Variants in EYA4 observed in about 807,000 individuals in gnomAD.
EYA4 encodes the protein protein phosphatase EYA4.
A neutral mutation model predicts 87.9 loss-of-function variants in EYA4; 31 were observed. That is an observed-to-expected ratio of 0.35 (90% CI 0.27 to 0.48). EYA4 has a LOEUF of 0.48. Ranked by LOEUF, EYA4 falls within the 20% of genes least tolerant of loss-of-function variation. EYA4 has a pLI of 0.99. For synonymous variants in EYA4, 263 were observed against 270.6 expected, an observed-to-expected ratio of 0.97 and a Z score of 0.28; for missense variants, 678 against 761.4, an observed-to-expected ratio of 0.89 and a Z score of 1.29.
intron 3 of EYA4, among the ~76,000 whole-genome samples, chr6:133,404,242 C>A (rs1788509339): frequency 6.6e-6 from 1 of 151,278 alleles, no homozygotes; most frequent in African/African-American, 2.4e-5. Flanking sequence ...ACAAAAAAGA[C>A]AAAGCACATC....
At chr6:133,254,887 A>G (rs984046533) in intron 1 of EYA4, among the ~76,000 whole-genome samples, 1 of 152,150 alleles carries the variant, frequency 6.6e-6, no homozygotes, top group Non-Finnish European at 1.5e-5. Context: ...CATGCTCCCA[A>G]CTCTACATCT....
intron 2 of EYA4, among the ~76,000 whole-genome samples, chr6:133,358,874 G>A (rs1784263309): frequency 6.6e-6 from 1 of 151,950 alleles, no homozygotes; most frequent in Non-Finnish European, 1.5e-5. Flanking sequence ...GAAACAGAGG[G>A]GAAAAACTAC....
intron 2 of EYA4, among the ~76,000 whole-genome samples, chr6:133,314,536 A>G (rs770401381): frequency 2.6e-5 from 4 of 152,120 alleles, no homozygotes; most frequent in Non-Finnish European, 5.9e-5. Context: ...TTGCATATTT[A>G]TTTTTATTAT....
intron 3 of EYA4, among the ~76,000 whole-genome samples, chr6:133,408,887 G>GT (rs1788966196): frequency 6.6e-6 from 1 of 152,310 alleles, no homozygotes; most frequent in African/African-American, 2.4e-5. Flanking sequence ...AAGGCTCATG[G>GT]AGGTGTGTGG....
intron 2 of EYA4, among the ~76,000 whole-genome samples, chr6:133,357,394 A>T (rs938517035): frequency 2.0e-5 from 3 of 152,172 alleles, no homozygotes; most frequent in African/African-American, 7.2e-5. Context: ...TTCTCACAAA[A>T]TGTATTTTGC....
intron 16 of EYA4, 58 bp downstream of exon 16, chr6:133,513,096 T>C (rs1799298896): frequency 1.4e-6 from 2 of 1,468,294 alleles, no homozygotes; most frequent in African/African-American, 2.8e-5. Context: ...GAATTCAATC[T>C]GTAGTTTCAT....
intron 1 of EYA4, chr6:133,247,846 T>A (rs1774541798): frequency 6.6e-6 from 1 of 152,040 alleles, no homozygotes; most frequent in Non-Finnish European, 1.5e-5. Flanking sequence ...GTGTCTTCAA[T>A]GTATGGAAAC....
rs149395991 is a variant in EYA4 at position 133,355,429 on chromosome 6, C to G, written c.34-26963C>G. On this transcript the variant is annotated intron_variant, in intron 2 of 19. Coordinates refer to ENST00000355286, the MANE Select transcript of EYA4 (RefSeq NM_004100.5). Reference sequence around the variant, plus strand: ...ACAATAGCAAAGACATGGAATTAGCCTAAATGCCCATCAATAATAGACTGG... The same window carrying G: ...ACAATAGCAAAGACATGGAATTAGCGTAAATGCCCATCAATAATAGACTGG... Among the ~76,000 whole-genome samples the G allele has an allele frequency of 7.5e-3, 1,147 of 152,258 alleles. 20 individuals carry two copies. Among genetic ancestry groups the G allele is most frequent in the African/African-American group, 0.027 (1,104 of 41,548 alleles).
chr6:133,293,030 A>G (rs1176001358), intron 2 of EYA4, among the ~76,000 whole-genome samples: 1 of 152,182 alleles, frequency 6.6e-6, no homozygotes, highest in African/African-American at 2.4e-5. Flanking sequence ...TCTTCCCCCC[A>G]GGGGTCTCTG....
At chr6:133,517,178 A>T (rs1426357686) in intron 17 of EYA4, among the ~76,000 whole-genome samples, 1 of 152,136 alleles carries the variant, frequency 6.6e-6, no homozygotes, top group Non-Finnish European at 1.5e-5. Context: ...AATGATGAGA[A>T]CATGTGGACA....
intron 11 of EYA4, among the ~76,000 whole-genome samples, chr6:133,475,982 A>G (rs1490324778): frequency 1.3e-5 from 2 of 152,106 alleles, no homozygotes; most frequent in East Asian, 1.9e-4. Context: ...TCTCACAGAA[A>G]TTATATAATG....
intron 13 of EYA4, among the ~76,000 whole-genome samples, chr6:133,493,738 A>G (rs1324005654): frequency 6.6e-6 from 1 of 152,230 alleles, no homozygotes; most frequent in South Asian, 2.1e-4. Context: ...AGCTCAACTC[A>G]ATAGGAAAAT....
At chr6:133,450,406 A>G (rs537763158) in intron 5 of EYA4, among the ~76,000 whole-genome samples, 104 of 152,330 alleles carry the variant, frequency 6.8e-4, no homozygotes, top group African/African-American at 2.5e-3. Context: ...TTGGAATTGT[A>G]TCACTTCATA....
At chr6:133,265,336 T>C (rs1386224747) in intron 1 of EYA4, among the ~76,000 whole-genome samples, 1 of 151,934 alleles carries the variant, frequency 6.6e-6, no homozygotes, top group Non-Finnish European at 1.5e-5. Context: ...AACCTAATAA[T>C]ACTGTTTGAA....
intron 3 of EYA4, among the ~76,000 whole-genome samples, chr6:133,413,451 A>G (rs1164591487): frequency 1.4e-5 from 2 of 138,844 alleles, no homozygotes; most frequent in African/African-American, 5.3e-5. Context: ...TTGGGCCTTT[A>G]CTTTCTTAAC....
chr6:133,505,918 C>T (rs1458782409), intron 13 of EYA4, among the ~76,000 whole-genome samples, 188 bp from the exon 14 acceptor site: 1 of 152,118 alleles, frequency 6.6e-6, no homozygotes, highest in Non-Finnish European at 1.5e-5. Context: ...CCAGGTGTGT[C>T]TGTGCATTTG....
At chr6:133,501,517 G>C (rs17062637) in intron 13 of EYA4, among the ~76,000 whole-genome samples, 2 of 152,020 alleles carry the variant, frequency 1.3e-5, no homozygotes, top group African/African-American at 4.8e-5. Flanking sequence ...TATCACAATT[G>C]TAAAATTTCT....
At chr6:133,334,574 G>A (rs1244399592) in intron 2 of EYA4, among the ~76,000 whole-genome samples, 1 of 152,038 alleles carries the variant, frequency 6.6e-6, no homozygotes, top group African/African-American at 2.4e-5. Context: ...GTGTCACCAG[G>A]GCTGAACATT....
chr6:133,283,348 A>G (rs1410451456), intron 2 of EYA4, among the ~76,000 whole-genome samples: 2 of 152,100 alleles, frequency 1.3e-5, no homozygotes, highest in Non-Finnish European at 2.9e-5. Flanking sequence ...TATGATAGAA[A>G]TATAATCTCT....
Sources: gnomAD v4.1 joint callset for allele counts (sites outside exome capture counted in the v4.1 genomes callset) on GRCh38, gnomAD v4.1.1 for gene constraint, MANE v1.5 for transcripts, NCBI Gene and HGNC (gene_info 2026-07-23, HGNC 2026-07-21) for gene names.